Variants in C10orf90 observed in about 807,000 individuals in gnomAD.
C10orf90 encodes the protein chromosome 10 open reading frame 90.
Under a neutral mutation model 62.5 loss-of-function variants are expected in C10orf90, and 56 were observed. The ratio of observed to expected loss-of-function variants is 0.90; its 90% CI spans 0.72 to 1.12. C10orf90 has a LOEUF of 1.12. Ranked by LOEUF, C10orf90 falls within the 50% of genes most tolerant of loss-of-function variation. The pLI is 0.00. For missense variants in C10orf90, 970 were observed against 880.4 expected (o/e 1.10, Z -1.29); for synonymous variants, 386 against 340.4 (o/e 1.13, Z -1.47).
intron 2 of C10orf90, among the ~76,000 whole-genome samples, chr10:126,534,996 A>G (rs893369153): frequency 1.3e-5 from 2 of 152,190 alleles, no homozygotes; most frequent in African/African-American, 4.8e-5. Context: ...AGCATCTGAG[A>G]CCACATTCAT....
At chr10:126,586,275 G>C (rs1844868159) in intron 2 of C10orf90, among the ~76,000 whole-genome samples, 2 of 152,228 alleles carry the variant, frequency 1.3e-5, no homozygotes, top group Admixed American at 1.3e-4. Flanking sequence ...ATATGAGGAC[G>C]CTGTCTTGAA....
intron 2 of C10orf90, among the ~76,000 whole-genome samples, chr10:126,516,106 C>T (rs1005086926): frequency 3.3e-5 from 5 of 152,242 alleles, no homozygotes; most frequent in African/African-American, 1.2e-4. Context: ...TGAGGCTAGA[C>T]AGGTCTAGGC....
intron 2 of C10orf90, among the ~76,000 whole-genome samples, chr10:126,603,431 C>T (rs959244355): frequency 6.6e-6 from 1 of 152,212 alleles, no homozygotes; most frequent in South Asian, 2.1e-4. Context: ...CCCACCAGGT[C>T]CCTCCCATAA....
rs1410584819 is a variant in C10orf90, at chr10:126,464,872, T to G, written c.1649A>C (p.Asp550Ala). ...KPTRHFLPIG[D>A]SSPSDDCLSR... ...CAGACAGTCATCGCTTGGAGAGCTA[T>G]CCCCAATGGGAAGGAAATGTCTAGT... is the stretch of plus-strand genomic sequence containing the variant. Residue 550 changes from aspartate (D) to alanine (A), a missense_variant, in exon 5 of 10, where the codon GAT (aspartate) becomes GCT (alanine). By Grantham distance (126) the Asp-to-Ala change is moderately radical. Transcript: ENST00000488181. 6.2e-7 allele frequency: 1 copy of G among 1,614,022 alleles called. No homozygotes were observed. The highest frequency in any genetic ancestry group is 1.1e-5 in the South Asian group (1 of 91,076).
chr10:126,643,168 T>C (rs1846099654), intron 2 of C10orf90, among the ~76,000 whole-genome samples: 1 of 152,160 alleles, frequency 6.6e-6, no homozygotes, highest in Non-Finnish European at 1.5e-5. Context: ...AGATTAAAAA[T>C]AGGTGAGAAG....
rs148180853 is a variant in C10orf90 at position 126,530,843 on chromosome 10, A to G, written c.314-16904T>C. The stretch of plus-strand genomic sequence containing the variant: ...AAAGAGAAAAAAACAAAACAAAACA[A>G]AAAAAGCAAAAGAGAGAGGGAGAAA... On this transcript the variant is annotated intron_variant, in intron 2 of 9. Transcript: ENST00000488181. Among the ~76,000 whole-genome samples, 875 of 152,282 alleles carry G rather than the reference A, an allele frequency of 5.7e-3. 6 individuals are homozygous for G. Among genetic ancestry groups the G allele is most frequent in the Admixed American group, 9.9e-3 (151 of 15,298 alleles).
intron 7 of C10orf90, among the ~76,000 whole-genome samples, chr10:126,434,831 A>G (rs1194034086): frequency 1.3e-5 from 2 of 152,172 alleles, no homozygotes; most frequent in Non-Finnish European, 2.9e-5. Flanking sequence ...AAACTTGAAC[A>G]TTTCTGTTCA....
intron 4 of C10orf90, among the ~76,000 whole-genome samples, chr10:126,498,818 C>T (rs1321265031): frequency 1.3e-5 from 2 of 152,174 alleles, no homozygotes; most frequent in African/African-American, 4.8e-5. Context: ...ATTCAGAGTT[C>T]CCTGAGTGGC....
intron 2 of C10orf90, among the ~76,000 whole-genome samples, chr10:126,579,271 CTTTCTTTT>C (rs1327496390): frequency 1.2e-4 from 16 of 136,042 alleles, no homozygotes; most frequent in Admixed American, 4.5e-4. Flanking sequence ...TTCTTTCTTT[CTTTCTTTT>C]TTTTTTTTTT....
At chr10:126,563,843 T>C (rs979200485) in intron 2 of C10orf90, among the ~76,000 whole-genome samples, 1 of 152,218 alleles carries the variant, frequency 6.6e-6, no homozygotes, top group African/African-American at 2.4e-5. Flanking sequence ...GTAGCAGCCC[T>C]GCCTTCAAGT....
intron 6 of C10orf90, among the ~76,000 whole-genome samples, chr10:126,460,663 C>A (rs1030985501): frequency 3.3e-5 from 5 of 151,704 alleles, no homozygotes; most frequent in Non-Finnish European, 5.9e-5. Flanking sequence ...TCCACCCCAC[C>A]AAGAATGGCC....
rs182544755 is a variant in C10orf90 at position 126,521,710 on chromosome 10, C to T, written c.314-7771G>A. 3.7e-4 allele frequency among the ~76,000 whole-genome samples: 56 copies of T among 152,258 alleles called. 1 individual carries two copies. The East Asian group carries it at 8.3e-3, about 23-fold the overall frequency. On this transcript the variant is annotated intron_variant, in intron 2 of 9. Transcript: ENST00000488181. ...CACTGGTGATTAATCTACTTGTTACCAATTTTTTTACAAATGGTTTATGTA... is the reference window on the plus strand; with the variant it reads ...CACTGGTGATTAATCTACTTGTTACTAATTTTTTTACAAATGGTTTATGTA...
chr10:126,532,283 C>T (rs1222267074), intron 2 of C10orf90, among the ~76,000 whole-genome samples: 1 of 152,140 alleles, frequency 6.6e-6, no homozygotes, highest in Admixed American at 6.6e-5. Context: ...ATCAAATGCT[C>T]AGTGTGTAAA....
chr10:126,544,305 C>A (rs1351203888), intron 2 of C10orf90, among the ~76,000 whole-genome samples: 4 of 152,052 alleles, frequency 2.6e-5, no homozygotes, highest in African/African-American at 9.7e-5. Context: ...TCTGCTGTAC[C>A]CTTTGGGTCC....
chr10:126,570,628 A>G (rs565681892), intron 2 of C10orf90, among the ~76,000 whole-genome samples: 170 of 152,336 alleles, frequency 1.1e-3, no homozygotes, highest in Non-Finnish European at 1.9e-3. Context: ...GAGCCATTGT[A>G]AAATCATTCT....
At chr10:126,535,388 G>A (rs950289336) in intron 2 of C10orf90, among the ~76,000 whole-genome samples, 1 of 151,912 alleles carries the variant, frequency 6.6e-6, no homozygotes, top group African/African-American at 2.4e-5. Context: ...GTGGTGGCGG[G>A]TGCCTGTAGT....
chr10:126,491,301 C>A lies in C10orf90; in HGVS notation c.1534+12656G>T, dbSNP rs554026212. 2.0e-4 allele frequency among the ~76,000 whole-genome samples: 31 copies of A among 152,188 alleles called. 1 individual carries two copies. The South Asian group carries it at 4.6e-3, about 22-fold the overall frequency. On this transcript the variant is annotated intron_variant, in intron 4 of 9. Transcript: ENST00000488181. Reference sequence around the variant, plus strand: ...AGTGACAGAAAGATCAGTGGTTTCCCAGGACTGGGGGTGAAGGAAGATTGA... The same window carrying A: ...AGTGACAGAAAGATCAGTGGTTTCCAAGGACTGGGGGTGAAGGAAGATTGA...
intron 2 of C10orf90, among the ~76,000 whole-genome samples, chr10:126,551,100 A>G (rs941657835): frequency 6.6e-6 from 1 of 152,258 alleles, no homozygotes; most frequent in African/African-American, 2.4e-5. Flanking sequence ...TAGAGCTGGT[A>G]GTCCTGGATT....
At chr10:126,565,250 T>TATTACATAATATGTAATATAATA (rs1844336160) in intron 2 of C10orf90, among the ~76,000 whole-genome samples, 1 of 22,772 alleles carries the variant, frequency 4.4e-5, no homozygotes, top group African/African-American at 1.2e-4. Context: ...ATAATATTTA[T>TATTACATAATATGTAATATAATA]TATATTATAT....
Sources: gnomAD v4.1 joint callset for allele counts (sites outside exome capture counted in the v4.1 genomes callset) on GRCh38, gnomAD v4.1.1 for gene constraint, MANE v1.5 for transcripts, NCBI Gene and HGNC (gene_info 2026-07-23, HGNC 2026-07-21) for gene names.